Variants in HGD observed in about 807,000 individuals in gnomAD.
HGD encodes homogentisate 1,2-dioxygenase.
A neutral mutation model predicts 60.8 loss-of-function variants in HGD; 61 were observed. The ratio of observed to expected loss-of-function variants is 1.00; its 90% CI spans 0.82 to 1.24. HGD has a LOEUF of 1.24. HGD is among the 50% of genes most tolerant of loss of function. HGD has a pLI of 0.00. For missense variants in HGD, 542 were observed against 547.1 expected (o/e 0.99, Z 0.09); for synonymous variants, 212 against 187.7 (o/e 1.13, Z -1.06).
rs376588710 is a variant in HGD at position 120,674,458 on chromosome 3, C to T, written c.176+443G>A. The stretch of plus-strand genomic sequence containing the variant: ...TGTGACTTTTTAACTATCCAAACTT[C>T]GTTTACCCAACATTTTCTTGCAAAG... On this transcript the variant is annotated intron_variant, in intron 3 of 13. Coordinates refer to ENST00000283871, the MANE Select transcript of HGD (RefSeq NM_000187.4). 9.0e-4 allele frequency: 180 copies of T among 200,992 alleles called. 1 individual carries two copies. Among genetic ancestry groups the T allele is most frequent in the African/African-American group, 4.0e-3 (175 of 43,276 alleles). The allele number at this position is 200,992 out of a possible 1,614,324, so 12.5% of individuals were successfully genotyped here.
chr3:120,630,056 A>T (rs1940534649), intron 13 of HGD, among the ~76,000 whole-genome samples: 1 of 152,176 alleles, frequency 6.6e-6, no homozygotes, highest in Admixed American at 6.5e-5. Flanking sequence ...ACCTAGGAAT[A>T]CCCCTAACCA....
At chr3:120,668,475 A>C (rs954700748) in intron 4 of HGD, among the ~76,000 whole-genome samples, 2 of 151,966 alleles carry the variant, frequency 1.3e-5, no homozygotes, top group African/African-American at 4.8e-5. Context: ...ATGGTAAACA[A>C]AGGGGAAGCA....
chr3:120,679,275 C>T (rs1041161414), intron 1 of HGD, among the ~76,000 whole-genome samples: 13 of 152,240 alleles, frequency 8.5e-5, no homozygotes, highest in Admixed American at 2.6e-4. Flanking sequence ...ATGAGATGAA[C>T]AGATGGTGCA....
At chr3:120,629,935 A>T (rs956493841) in intron 13 of HGD, among the ~76,000 whole-genome samples, 4 of 152,226 alleles carry the variant, frequency 2.6e-5, no homozygotes, top group Admixed American at 1.3e-4. Context: ...AGTTCATGAT[A>T]CAAAATCAAT....
intron 4 of HGD, among the ~76,000 whole-genome samples, chr3:120,669,021 G>A (rs189549653): frequency 8.4e-4 from 128 of 152,242 alleles, no homozygotes; most frequent in Non-Finnish European, 1.5e-3. Flanking sequence ...AGCAGAGTAC[G>A]TAAGTAATAA....
At chr3:120,655,102 AAAAC>A (rs577484390) in intron 4 of HGD, among the ~76,000 whole-genome samples, 14 of 152,196 alleles carry the variant, frequency 9.2e-5, no homozygotes, top group Admixed American at 2.6e-4. Flanking sequence ...CAACAACAAC[AAAAC>A]AAACAAACAA....
intron 5 of HGD, 54 bp from the exon 6 acceptor site, chr3:120,650,919 C>G: frequency 1.5e-6 from 2 of 1,361,208 alleles, no homozygotes; most frequent in Non-Finnish European, 1.1e-6. Flanking sequence ...GCCCAAGAGG[C>G]AGCCCTTCCA....
intron 3 of HGD, among the ~76,000 whole-genome samples, chr3:120,674,336 G>A (rs1404801973): frequency 6.6e-6 from 1 of 152,154 alleles, no homozygotes; most frequent in Non-Finnish European, 1.5e-5. Flanking sequence ...AGCAAACATG[G>A]AACATGGCAC....
chr3:120,663,186 G>T (rs1707818825), intron 4 of HGD, among the ~76,000 whole-genome samples: 1 of 152,154 alleles, frequency 6.6e-6, no homozygotes, highest in South Asian at 2.1e-4. Flanking sequence ...AAGAGAAGGA[G>T]AAGAAAAGAG....
intron 5 of HGD, among the ~76,000 whole-genome samples, chr3:120,651,383 T>A (rs1012631986): frequency 6.6e-6 from 1 of 152,152 alleles, no homozygotes; most frequent in African/African-American, 2.4e-5. Context: ...GACCAGATGA[T>A]CCATAGTGCA....
intron 12 of HGD, among the ~76,000 whole-genome samples, chr3:120,636,219 G>A (rs1014103125): frequency 1.7e-4 from 25 of 151,272 alleles, no homozygotes; most frequent in African/African-American, 6.1e-4. Context: ...GGTGGAGGTT[G>A]CAGTGAGCTG....
chr3:120,648,622 A>G (rs1242980501), intron 6 of HGD, among the ~76,000 whole-genome samples: 1 of 152,250 alleles, frequency 6.6e-6, no homozygotes, highest in Admixed American at 6.5e-5. Flanking sequence ...TTAAGCTTAC[A>G]CAGAGCTGTT....
chr3:120,638,446 G>A lies in HGD; in HGVS notation c.1006+9C>T, dbSNP rs2107498050. 2 of 1,613,798 alleles carry A rather than the reference G, an allele frequency of 1.2e-6. No homozygotes were observed. The highest frequency in any genetic ancestry group is 4.5e-5 in the East Asian group (2 of 44,816). ...CTTGCAAATGTGGCTTGGTAAAAGA[G>A]AGACTTACTATGGTAATAAGGAGGC... On this transcript the variant is annotated intron_variant, in intron 12 of 13. Transcript: ENST00000283871.
chr3:120,652,680 T>C, intron 4 of HGD, 29 bp from the exon 5 acceptor site: 1 of 1,528,580 alleles, frequency 6.5e-7, no homozygotes, highest in Non-Finnish European at 9.1e-7. Context: ...TACAGAAAAA[T>C]TACTTCACAA....
At chr3:120,632,170 C>T (rs1940611620) in intron 13 of HGD, among the ~76,000 whole-genome samples, 1 of 152,168 alleles carries the variant, frequency 6.6e-6, no homozygotes, top group South Asian at 2.1e-4. Flanking sequence ...AGGAGCTCCA[C>T]CAACTCTGGC....
In HGD at chr3:120,638,611, A is replaced by C. The variant is rs201045280; in HGVS notation, c.880-30T>G. On this transcript the variant is annotated intron_variant, in intron 11 of 13. Transcript: ENST00000283871. ...GAACACACAAGGAGAGACTGAACGCATGATGCAAGGGAAGTGACTGGACAA... is the reference window on the plus strand; with the variant it reads ...GAACACACAAGGAGAGACTGAACGCCTGATGCAAGGGAAGTGACTGGACAA... The C allele has an allele frequency of 2.5e-6, 4 of 1,613,150 alleles. No homozygotes were observed. The African/African-American group carries it at 4.0e-5, about 16-fold the overall frequency.
intron 12 of HGD, among the ~76,000 whole-genome samples, chr3:120,637,884 C>G (rs1559783823): frequency 6.6e-6 from 1 of 152,118 alleles, no homozygotes; most frequent in Non-Finnish European, 1.5e-5. Flanking sequence ...ATGTATGTTC[C>G]CTCCAACTCT....
intron 10 of HGD, 59 bp from the exon 11 acceptor site, chr3:120,641,752 C>A: frequency 9.4e-7 from 1 of 1,059,914 alleles, no homozygotes; most frequent in Non-Finnish European, 1.5e-6. Context: ...TAGCTGTGAT[C>A]CCACAATATG....
intron 4 of HGD, among the ~76,000 whole-genome samples, chr3:120,654,366 T>A (rs1436407606): frequency 2.6e-5 from 4 of 152,140 alleles, no homozygotes; most frequent in African/African-American, 9.7e-5. Context: ...AATCAGAATC[T>A]GTGAAGGTAG....
Sources: gnomAD v4.1 joint callset for allele counts (sites outside exome capture counted in the v4.1 genomes callset) on GRCh38, gnomAD v4.1.1 for gene constraint, MANE v1.5 for transcripts, NCBI Gene and HGNC (gene_info 2026-07-23, HGNC 2026-07-21) for gene names.